Variants in SNTG1 observed in about 807,000 individuals in gnomAD.
SNTG1 encodes the protein gamma-1-syntrophin.
SNTG1 carries 39 observed loss-of-function variants against 74.7 expected under a neutral mutation model. That is an observed-to-expected ratio of 0.52 (90% CI 0.40 to 0.68). SNTG1 has a LOEUF of 0.68. Ranked by LOEUF, SNTG1 falls within the 30% of genes least tolerant of loss-of-function variation. SNTG1 has a pLI of 0.00. For missense variants in SNTG1, 685 were observed against 609.5 expected (o/e 1.12, Z -1.30); for synonymous variants, 254 against 217.1 (o/e 1.17, Z -1.49).
At chr8:50,688,405 C>T (rs1307056380) in intron 15 of SNTG1, among the ~76,000 whole-genome samples, 1 of 152,172 alleles carries the variant, frequency 6.6e-6, no homozygotes, top group African/African-American at 2.4e-5. Context: ...ACATTTAAGT[C>T]TTTAATCCAT....
chr8:50,136,830 A>C (rs1041168092), intron 1 of SNTG1, among the ~76,000 whole-genome samples: 2 of 152,134 alleles, frequency 1.3e-5, no homozygotes. Context: ...GACAGAGTAC[A>C]TACAGGGGTC....
chr8:50,559,327 T>A (rs2130667833), intron 12 of SNTG1, among the ~76,000 whole-genome samples: 1 of 152,316 alleles, frequency 6.6e-6, no homozygotes, highest in East Asian at 1.9e-4. Context: ...TTTTGTTATG[T>A]CAAAATGGAT....
At chr8:50,248,364 C>A (rs1016953183) in intron 2 of SNTG1, among the ~76,000 whole-genome samples, 1 of 152,158 alleles carries the variant, frequency 6.6e-6, no homozygotes, top group African/African-American at 2.4e-5. Flanking sequence ...CTTTCAATTT[C>A]TCTTCAGCCA....
At chr8:50,723,641 CA>C (rs2095492957) in intron 17 of SNTG1, among the ~76,000 whole-genome samples, 1 of 152,072 alleles carries the variant, frequency 6.6e-6, no homozygotes, top group Non-Finnish European at 1.5e-5. Flanking sequence ...GTTTATTTTA[CA>C]AAAGTTGGAA....
chr8:50,593,025 A>G (rs1037975755), intron 13 of SNTG1, among the ~76,000 whole-genome samples: 1 of 152,208 alleles, frequency 6.6e-6, no homozygotes, highest in Non-Finnish European at 1.5e-5. Context: ...GCCAGTTTTA[A>G]AAACACATAT....
intron 15 of SNTG1, among the ~76,000 whole-genome samples, chr8:50,693,541 A>G (rs1464032940): frequency 1.3e-5 from 2 of 152,218 alleles, no homozygotes; most frequent in Non-Finnish European, 2.9e-5. Flanking sequence ...AGAGGCTTCA[A>G]TATTGGACAG....
intron 4 of SNTG1, among the ~76,000 whole-genome samples, chr8:50,436,906 T>A (rs1381111811): frequency 2.0e-5 from 3 of 152,142 alleles, no homozygotes; most frequent in Non-Finnish European, 2.9e-5. Flanking sequence ...CGATATAAAT[T>A]CTAAAATATA....
chr8:50,157,329 T>C (rs972940957), intron 1 of SNTG1, among the ~76,000 whole-genome samples: 2 of 152,056 alleles, frequency 1.3e-5, no homozygotes, highest in East Asian at 1.9e-4. Context: ...ATCAGAGGAG[T>C]AGTTACAAAG....
intron 4 of SNTG1, among the ~76,000 whole-genome samples, chr8:50,408,800 A>G (rs1475639678): frequency 2.6e-5 from 4 of 152,202 alleles, no homozygotes; most frequent in Non-Finnish European, 5.9e-5. Flanking sequence ...GGCATAGCTC[A>G]GTTGCAGAAA....
intron 11 of SNTG1, among the ~76,000 whole-genome samples, chr8:50,550,963 A>G (rs1442421582): frequency 1.3e-5 from 2 of 152,140 alleles, no homozygotes; most frequent in African/African-American, 2.4e-5. Flanking sequence ...CTGAAATATT[A>G]CAATCAAGAG....
chr8:50,784,781 T>C (rs2095669986), intron 18 of SNTG1, among the ~76,000 whole-genome samples: 1 of 152,180 alleles, frequency 6.6e-6, no homozygotes, highest in African/African-American at 2.4e-5. Flanking sequence ...TACACTAATA[T>C]CTAAGATCAC....
At chr8:49,960,835 T>A (rs1300264835) in intron 1 of SNTG1, among the ~76,000 whole-genome samples, 1 of 152,064 alleles carries the variant, frequency 6.6e-6, no homozygotes, top group Non-Finnish European at 1.5e-5. Flanking sequence ...CTCCTCCTCC[T>A]CTCTTTGGGA....
At chr8:50,147,579 C>T (rs1258954796) in intron 1 of SNTG1, among the ~76,000 whole-genome samples, 1 of 152,094 alleles carries the variant, frequency 6.6e-6, no homozygotes, top group Non-Finnish European at 1.5e-5. Flanking sequence ...GTAGATAAAC[C>T]TTGCAGATGC....
intron 17 of SNTG1, among the ~76,000 whole-genome samples, chr8:50,721,327 C>T (rs2095487102): frequency 1.3e-5 from 2 of 152,190 alleles, no homozygotes; most frequent in South Asian, 4.1e-4. Flanking sequence ...TTCCTCTTCC[C>T]TTCCCACTGA....
rs769535422 is a variant in SNTG1 at position 50,088,531 on chromosome 8, T to G, written c.-102-84030T>G. ...CCATTGTCTCAGCCCAAAATCTCCT[T>G]AAGCTGATAAGCAACTTCAGCAAAG... On this transcript the variant is annotated intron_variant, in intron 1 of 18. Coordinates refer to ENST00000642720, the MANE Select transcript of SNTG1 (RefSeq NM_018967.5). Among the ~76,000 whole-genome samples, 755 of 133,506 alleles carry G rather than the reference T, an allele frequency of 5.7e-3. 2 individuals carry two copies. Among genetic ancestry groups the G allele is most frequent in the Non-Finnish European group, 8.7e-3 (522 of 60,180 alleles). 87.6% of individuals were successfully genotyped at this position (133,506 alleles called of 152,430 possible).
At chr8:50,539,605 T>G (rs1338099173) in intron 11 of SNTG1, among the ~76,000 whole-genome samples, 3 of 152,156 alleles carry the variant, frequency 2.0e-5, no homozygotes, top group Non-Finnish European at 4.4e-5. Flanking sequence ...GGGCCACACC[T>G]GTCAGCATGG....
rs932656661 is a variant in SNTG1, at chr8:50,350,790, C to T, written c.-27-43422C>T. 1.4e-4 allele frequency among the ~76,000 whole-genome samples: 22 copies of T among 152,248 alleles called. 1 individual carries two copies. Among genetic ancestry groups the T allele is most frequent in the Admixed American group, 1.3e-3 (20 of 15,292 alleles). On this transcript the variant is annotated intron_variant, in intron 2 of 18. Transcript: ENST00000642720. ...GGATGTGAAGAACTTTTGTGTCTAG[C>T]TCAGGGATTGTAAACGCACCAATCA...
intron 17 of SNTG1, among the ~76,000 whole-genome samples, chr8:50,711,831 A>T (rs1005392278): frequency 1.3e-5 from 2 of 152,268 alleles, no homozygotes; most frequent in East Asian, 3.9e-4. Flanking sequence ...TCCCTAATTC[A>T]TTACTGTACA....
intron 12 of SNTG1, among the ~76,000 whole-genome samples, chr8:50,589,282 T>A (rs1350176068): frequency 5.3e-5 from 8 of 152,146 alleles, no homozygotes; most frequent in African/African-American, 1.4e-4. Flanking sequence ...CAAAAAATTA[T>A]AATATAACAA....
Sources: gnomAD v4.1 joint callset for allele counts (sites outside exome capture counted in the v4.1 genomes callset) on GRCh38, gnomAD v4.1.1 for gene constraint, MANE v1.5 for transcripts, NCBI Gene and HGNC (gene_info 2026-07-23, HGNC 2026-07-21) for gene names.